The following SPTBN5 variants were observed in gnomAD, a reference collection of about 807,000 sequenced individuals.
SPTBN5 encodes the protein spectrin beta chain, non-erythrocytic 5.
In SPTBN5, 513 loss-of-function variants were observed where a neutral mutation model predicts 477.6. The observed-to-expected ratio is 1.07, with a 90% CI of 1.00 to 1.16. The LOEUF (loss-of-function observed/expected upper bound fraction) is 1.16. SPTBN5 is among the 50% of genes most tolerant of loss of function. The pLI is 0.00. For missense variants in SPTBN5, 5,062 were observed against 4,731.8 expected (o/e 1.07, Z -2.05); for synonymous variants, 2,169 against 2,011.7 (o/e 1.08, Z -2.09).
chr15:41,853,720 AG>A lies in SPTBN5; in HGVS notation c.9841del (p.Leu3281TyrfsTer47). On this transcript the variant is annotated frameshift_variant, in exon 58 of 68. Transcript: ENST00000320955. LOFTEE classifies it high-confidence loss of function. ...CAGGCCCCCCGGAGCTGCAGGATGT[AG>A]CTGGCCCAGTCGGCAGGCCTCCGTC... ...LQTEACRLGQ[L>X]HPAAPGGLAK... The A allele has an allele frequency of 6.3e-7, 1 of 1,593,550 alleles. No individual in the cohort carries two copies. Among genetic ancestry groups the A allele is most frequent in the Non-Finnish European group, 8.5e-7 (1 of 1,170,714 alleles).
chr15:41,875,635 T>G lies in SPTBN5; in HGVS notation c.4123-13A>C, dbSNP rs1315887829. ...GCTCTCTCCCAACCTGGAGTGGAGATAAAGGCCCAGGGAGTTTGGCTGAGC... is the reference window on the plus strand; with the variant it reads ...GCTCTCTCCCAACCTGGAGTGGAGAGAAAGGCCCAGGGAGTTTGGCTGAGC... On this transcript the variant is annotated splice_polypyrimidine_tract_variant and intron_variant, in intron 21 of 67. Transcript: ENST00000320955. 6.4e-7 allele frequency: 1 copy of G among 1,569,486 alleles called. No homozygotes were observed.
Position 41,878,574 on chromosome 15 carries a change from G to A in SPTBN5, c.3238C>T (p.Leu1080=). The A allele has an allele frequency of 1.2e-6, 2 of 1,612,866 alleles. No individual in the cohort carries two copies. Residue 1080 remains leucine (L), a synonymous_variant, in exon 17 of 68, where the codon CTG becomes TTG. Coordinates refer to ENST00000320955, the MANE Select transcript of SPTBN5 (RefSeq NM_016642.4). ...SQPLQGQVET[L]QGLLKQVQEQ... Reference sequence around the variant, plus strand: ...TGTACTTGCTTCAGCAGCCCCTGCAGTGTCTCCACCTGTCCTTGCAGAGGC... The same window carrying A: ...TGTACTTGCTTCAGCAGCCCCTGCAATGTCTCCACCTGTCCTTGCAGAGGC...
intron 27 of SPTBN5, 39 bp downstream of exon 27, chr15:41,872,260 GCCT>G (rs765219713): frequency 6.3e-7 from 1 of 1,579,404 alleles, no homozygotes; most frequent in Admixed American, 1.7e-5. Context: ...CTGTGGCTAG[GCCT>G]CCTGTACCCA....
chr15:41,862,876 C>T lies in SPTBN5; in HGVS notation c.7177G>A (p.Gly2393Arg). 1 of 1,586,824 alleles carries T rather than the reference C, an allele frequency of 6.3e-7. No homozygotes were observed. The highest frequency in any genetic ancestry group is 8.6e-7 in the Non-Finnish European group (1 of 1,167,260). ...KEALIQALDC[G>R]KDLESVQRLL... is the part of the protein sequence containing the mutation. Reference sequence around the variant, plus strand: ...CTCTGCACGCTCTCCAGATCTTTCCCACAGTCCAGGGCCTGGATCAGGGCT... The same window carrying T: ...CTCTGCACGCTCTCCAGATCTTTCCTACAGTCCAGGGCCTGGATCAGGGCT... Residue 2393 changes from glycine (G) to arginine (R), a missense_variant, in exon 42 of 68, where the codon GGG becomes AGG. Gly to Arg is a moderately radical substitution (Grantham distance 125). Transcript: ENST00000320955.
chr15:41,849,857 C>CT lies in SPTBN5; in HGVS notation c.11012+11_11012+12insA. 4.5e-6 allele frequency: 7 copies of CT among 1,560,600 alleles called. No individual in the cohort carries two copies. The highest frequency in any genetic ancestry group is 6.1e-6 in the Non-Finnish European group (7 of 1,151,838). On this transcript the variant is annotated intron_variant, in intron 67 of 67. Coordinates refer to ENST00000320955, the MANE Select transcript of SPTBN5 (RefSeq NM_016642.4). The stretch of plus-strand genomic sequence containing the variant: ...GGCTCCCCGCCCTGCTTCCCCCACC[C>CT]AGGTGTCCCACCTGAGTAGACATCC...
In SPTBN5 at chr15:41,854,772, G is replaced by C; in HGVS notation, c.9618+10C>G. ...CACCCCTTAGCTTGGCCCGGCCTGT[G>C]ATCACCTACCTCTGTGCGGGCTTTT... is the stretch of plus-strand genomic sequence containing the variant. On this transcript the variant is annotated intron_variant, in intron 56 of 67. Transcript: ENST00000320955. 1 of 1,504,618 alleles carries C rather than the reference G, an allele frequency of 6.6e-7. No individual in the cohort carries two copies. Among genetic ancestry groups the C allele is most frequent in the Non-Finnish European group, 8.9e-7 (1 of 1,124,428 alleles). The allele number at this position is 1,504,618 out of a possible 1,614,324, so 93.2% of individuals were successfully genotyped here.
chr15:41,850,784 C>A, intron 66 of SPTBN5, 70 bp downstream of exon 66: 1 of 1,368,986 alleles, frequency 7.3e-7, no homozygotes, highest in South Asian at 1.3e-5. Flanking sequence ...ATGCATAAAA[C>A]ACTAGGGGCC....
intron 1 of SPTBN5, 69 bp from the exon 2 acceptor site, chr15:41,893,615 G>A (rs534772792): frequency 9.7e-6 from 14 of 1,449,860 alleles, no homozygotes; most frequent in East Asian, 7.5e-5. Context: ...CTGGGGTCCC[G>A]CCTTGCCAGA....
rs765287590 is a variant in SPTBN5 at position 41,892,848 on chromosome 15, G to A, written c.384+46C>T. On this transcript the variant is annotated intron_variant, in intron 3 of 67. Coordinates refer to ENST00000320955, the MANE Select transcript of SPTBN5 (RefSeq NM_016642.4). ...TGACCCAGTAGTTCAGCCTGTCCCA[G>A]CTGCCTGCCCCAGCACCATCCCAGA... is the stretch of plus-strand genomic sequence containing the variant. The A allele has an allele frequency of 2.4e-5, 36 of 1,530,614 alleles. No homozygotes were observed. In the African/African-American group the frequency reaches 4.6e-4, roughly 19 times the overall value. 94.8% of individuals were successfully genotyped at this position (1,530,614 alleles called of 1,614,324 possible).
At chr15:41,868,783 C>T (rs1050375568) in intron 32 of SPTBN5, among the ~76,000 whole-genome samples, 182 bp from the exon 33 acceptor site, 1 of 152,204 alleles carries the variant, frequency 6.6e-6, no homozygotes, top group African/African-American at 2.4e-5. Context: ...TCATCCAACC[C>T]GATCCTCCCA....
rs1444506449 is a variant in SPTBN5, at chr15:41,867,070, C to G, written c.6369G>C (p.Arg2123=). Residue 2123 remains arginine (R), a synonymous_variant, in exon 36 of 68, where the codon CGG becomes CGC. Coordinates refer to ENST00000320955, the MANE Select transcript of SPTBN5 (RefSeq NM_016642.4). ...TCCGGCGCTGCAGCAGGATGGGAAG[C>G]CGGTCCCGCACCCGGGGGCGCCGGA... ...KTLRRPRVRD[R]LPILLQRRMR... 7.7e-6 allele frequency: 12 copies of G among 1,548,662 alleles called. No individual in the cohort carries two copies. Among genetic ancestry groups the G allele is most frequent in the African/African-American group, 1.4e-5 (1 of 73,110 alleles).
At chr15:41,878,709 G>T in intron 16 of SPTBN5, 80 bp from the exon 17 acceptor site, 1 of 1,449,362 alleles carries the variant, frequency 6.9e-7, no homozygotes, top group Non-Finnish European at 9.2e-7. Context: ...CTCCAAACCT[G>T]CATCCCCCAG....
Position 41,852,658 on chromosome 15 carries a change from CTT to C in SPTBN5, c.10423_10424del (p.Lys3475ValfsTer48). The C allele has an allele frequency of 6.2e-7, 1 of 1,613,626 alleles. No individual in the cohort carries two copies. Among genetic ancestry groups the C allele is most frequent in the Non-Finnish European group, 8.5e-7 (1 of 1,179,890 alleles). ...CCTCTGTCTTTTGCATTTGGGCAAA[CTT>C]CTCTTCCTGGGCTGCCAGCAGCTTT... ...LEKLLAAQEE[K>X]FAQMQKTEME... On this transcript the variant is annotated frameshift_variant, in exon 61 of 68. Coordinates refer to ENST00000320955, the MANE Select transcript of SPTBN5 (RefSeq NM_016642.4). LOFTEE classifies it high-confidence loss of function.
In SPTBN5 at chr15:41,858,930, TC is replaced by T; in HGVS notation, c.8038del (p.Glu2680SerfsTer19). ...CAGGAAGGCCTGCAGCTGCCGGAGCTCCTCCAGGCGATGGCGGCGGGTCCCG... is the reference window on the plus strand; with the variant it reads ...CAGGAAGGCCTGCAGCTGCCGGAGCTCTCCAGGCGATGGCGGCGGGTCCCG... ...QAGTRRHRLE[E>X]LRQLQAFLQD... On this transcript the variant is annotated frameshift_variant, in exon 48 of 68. Transcript: ENST00000320955. LOFTEE classifies it high-confidence loss of function. 1 of 1,595,042 alleles carries T rather than the reference TC, an allele frequency of 6.3e-7. No individual in the cohort carries two copies. The highest frequency in any genetic ancestry group is 8.6e-7 in the Non-Finnish European group (1 of 1,168,776).
In SPTBN5 at chr15:41,865,839, C is replaced by T. The variant is rs769548400; in HGVS notation, c.6887G>A (p.Arg2296Gln). The change falls in exon 39 of 68, where the codon CGG becomes CAG. Residue 2296 changes from arginine to glutamine, a missense_variant. By Grantham distance (43) the Arg-to-Gln change is conservative. Transcript: ENST00000320955. ...CGAGTTTCCTCGGAACTCGCGGAGCCGCCGTCGGAGCTGCAGGCAGTGCTC... is the reference window on the plus strand; with the variant it reads ...CGAGTTTCCTCGGAACTCGCGGAGCTGCCGTCGGAGCTGCAGGCAGTGCTC... ...DLEHCLQLRR[R>Q]LREFRGNSAG... The T allele has an allele frequency of 2.5e-5, 40 of 1,576,658 alleles. 1 individual carries two copies. Among genetic ancestry groups the T allele is most frequent in the Non-Finnish European group, 2.9e-5 (34 of 1,161,840 alleles).
At chr15:41,861,322 A>G (rs1567193293) in intron 46 of SPTBN5, 97 bp downstream of exon 46, 1 of 1,094,384 alleles carries the variant, frequency 9.1e-7, no homozygotes, top group Non-Finnish European at 1.4e-6. Flanking sequence ...GAAGGGGAGG[A>G]TCCCTGGCCT....
Position 41,861,963 on chromosome 15 carries a change from C to A in SPTBN5, c.7549-40G>T, listed in dbSNP as rs1448407137. 7.0e-6 allele frequency: 11 copies of A among 1,572,774 alleles called. No homozygotes were observed. In the Admixed American group the frequency reaches 1.9e-4, roughly 26 times the overall value. On this transcript the variant is annotated intron_variant, in intron 44 of 67. Transcript: ENST00000320955. ...GGCTCAGATCACTGGGGGCTGGAAG[C>A]AGCCCAGCAGGCAGGAGAGAGGTGG... is the stretch of plus-strand genomic sequence containing the variant.
chr15:41,859,753 C>A (rs1237996926), intron 47 of SPTBN5, among the ~76,000 whole-genome samples: 1 of 152,126 alleles, frequency 6.6e-6, no homozygotes, highest in Admixed American at 6.5e-5. Flanking sequence ...ACCAGCAAAG[C>A]AAAGTTTGCA....
chr15:41,876,543 C>A lies in SPTBN5; in HGVS notation c.3951+5G>T. The A allele has an allele frequency of 6.3e-7, 1 of 1,589,282 alleles. No homozygotes were observed. The highest frequency in any genetic ancestry group is 2.3e-5 in the East Asian group (1 of 43,642). On this transcript the variant is annotated splice_donor_5th_base_variant and intron_variant, in intron 20 of 67. Transcript: ENST00000320955. Reference sequence around the variant, plus strand: ...GCGTCATGCGACCTGGGCCCAGACCCTCACCTGGAGCTGGAGGGAAGCCAG... The same window carrying A: ...GCGTCATGCGACCTGGGCCCAGACCATCACCTGGAGCTGGAGGGAAGCCAG...
Sources: allele counts gnomAD v4.1 joint callset (sites outside exome capture counted in the v4.1 genomes callset), GRCh38; gene constraint gnomAD v4.1.1; transcripts MANE v1.5; gene names NCBI Gene and HGNC (gene_info 2026-07-23, HGNC 2026-07-21).